Variants in ATP8A1 observed in about 807,000 individuals in gnomAD.
ATP8A1 encodes the protein ATPase phospholipid transporting 8A1, also known as phospholipid-transporting ATPase IA.
ATP8A1 carries 90 observed loss-of-function variants against 177.7 expected under a neutral mutation model. The ratio of observed to expected loss-of-function variants is 0.51; its 90% confidence interval spans 0.43 to 0.60. The LOEUF is 0.60. Ranked by LOEUF, ATP8A1 falls within the 20% of genes least tolerant of loss-of-function variation. The pLI, the probability that ATP8A1 is intolerant of heterozygous loss-of-function variation, is 0.00. For missense variants in ATP8A1, 1,072 were observed against 1,392.8 expected, an observed-to-expected ratio of 0.77 and a Z score of 3.67; for synonymous variants, 493 against 485.9, an observed-to-expected ratio of 1.01 and a Z score of -0.19.
chr4:42,554,023 G>A (rs1338080591), intron 16 of ATP8A1, among the ~76,000 whole-genome samples: 1 of 152,224 alleles, frequency 6.6e-6, no homozygotes, highest in Non-Finnish European at 1.5e-5. Flanking sequence ...GGAGCTCAAA[G>A]TGAGGGTGAC....
At chr4:42,560,679 T>C (rs1469756281) in intron 15 of ATP8A1, among the ~76,000 whole-genome samples, 1 of 151,908 alleles carries the variant, frequency 6.6e-6, no homozygotes, top group Non-Finnish European at 1.5e-5. Flanking sequence ...ACGAATTCTT[T>C]AACATTCCAA....
At chr4:42,605,656 C>G (rs537204936) in intron 5 of ATP8A1, among the ~76,000 whole-genome samples, 4 of 152,228 alleles carry the variant, frequency 2.6e-5, no homozygotes, top group Non-Finnish European at 4.4e-5. Flanking sequence ...GCTCATTTTC[C>G]CTCAACCTTG....
At chr4:42,562,066 G>T (rs1027328591) in intron 15 of ATP8A1, 7 of 152,276 alleles carry the variant, frequency 4.6e-5, no homozygotes, top group African/African-American at 1.7e-4. Context: ...TAGAGGCTCA[G>T]GTTTCTTTTT....
intron 23 of ATP8A1, among the ~76,000 whole-genome samples, chr4:42,504,136 A>G (rs1724128188): frequency 6.6e-6 from 1 of 152,128 alleles, no homozygotes; most frequent in Admixed American, 6.5e-5. Context: ...AAATAATTCC[A>G]CTATGTGAGT....
intron 30 of ATP8A1, among the ~76,000 whole-genome samples, chr4:42,450,181 TAA>T (rs1560337594): frequency 6.6e-6 from 1 of 152,124 alleles, no homozygotes; most frequent in African/African-American, 2.4e-5. Context: ...TATTCAGCCA[TAA>T]AAAGGAAGTA....
At chr4:42,634,910 G>A (rs1417346400) in intron 1 of ATP8A1, among the ~76,000 whole-genome samples, 1 of 152,104 alleles carries the variant, frequency 6.6e-6, no homozygotes, top group East Asian at 1.9e-4. Context: ...TGGTTAATGT[G>A]AGGATGACAT....
chr4:42,438,253 CT>C (rs1577931331), intron 33 of ATP8A1, among the ~76,000 whole-genome samples: 1 of 152,092 alleles, frequency 6.6e-6, no homozygotes. Context: ...CACTTTGTGT[CT>C]GTGAAATGTC....
rs1712800500 is a variant in ATP8A1 at position 42,413,019 on chromosome 4, G to C, written c.3398-6C>G. ...TTGAGAGAACGCATACCCATCTGTAGGTTAATGATAAAACAGAAATTCTCA... is the reference window on the plus strand; with the variant it reads ...TTGAGAGAACGCATACCCATCTGTACGTTAATGATAAAACAGAAATTCTCA... On this transcript the variant is annotated splice_polypyrimidine_tract_variant and splice_region_variant and intron_variant, in intron 36 of 36. Transcript: ENST00000381668. 1 of 1,610,868 alleles carries C rather than the reference G, an allele frequency of 6.2e-7. No individual in the cohort carries two copies. The highest frequency in any genetic ancestry group is 1.3e-5 in the African/African-American group (1 of 74,918).
At chr4:42,525,433 G>T (rs1003093418) in intron 20 of ATP8A1, among the ~76,000 whole-genome samples, 7 of 152,190 alleles carry the variant, frequency 4.6e-5, no homozygotes, top group African/African-American at 1.7e-4. Flanking sequence ...AATCCACTGA[G>T]AGGGCCAGTG....
chr4:42,484,583 CAA>C (rs1235225573), intron 25 of ATP8A1, among the ~76,000 whole-genome samples: 1 of 151,936 alleles, frequency 6.6e-6, no homozygotes, highest in Admixed American at 6.6e-5. Context: ...TAAACCCAGA[CAA>C]AAGAGGTATA....
At chr4:42,471,151 C>T (rs949033275) in intron 25 of ATP8A1, among the ~76,000 whole-genome samples, 3 of 152,108 alleles carry the variant, frequency 2.0e-5, no homozygotes, top group Non-Finnish European at 2.9e-5. Context: ...GGAATGAAAA[C>T]AGCAGCTTAC....
chr4:42,656,087 T>C (rs1244779027), intron 1 of ATP8A1, among the ~76,000 whole-genome samples: 1 of 152,172 alleles, frequency 6.6e-6, no homozygotes, highest in Non-Finnish European at 1.5e-5. Context: ...ATGAAGAGTC[T>C]GGGCCCTCGG....
intron 17 of ATP8A1, 47 bp from the exon 18 acceptor site, chr4:42,551,327 A>G: frequency 1.5e-6 from 2 of 1,356,440 alleles, no homozygotes; most frequent in Non-Finnish European, 2.1e-6. Context: ...TGAAAAAAAA[A>G]TATTCTCAGC....
rs1720155534 is a variant in ATP8A1 at position 42,469,438 on chromosome 4, T to G, written c.2325-4362A>C. The stretch of plus-strand genomic sequence containing the variant: ...GGAATGTGGCTGAAAGGGATTCAGG[T>G]TTGTCAAGCTGAAGTCAGTAAAAAA... On this transcript the variant is annotated intron_variant, in intron 25 of 36. Coordinates refer to ENST00000381668, the MANE Select transcript of ATP8A1 (RefSeq NM_006095.2). Among the ~76,000 whole-genome samples the G allele has an allele frequency of 6.6e-5, 10 of 152,170 alleles. No homozygotes were observed. In the South Asian group the frequency reaches 1.9e-3, roughly 28 times the overall value.
chr4:42,463,615 G>A (rs1382647437), intron 27 of ATP8A1, among the ~76,000 whole-genome samples: 1 of 152,170 alleles, frequency 6.6e-6, no homozygotes, highest in Non-Finnish European at 1.5e-5. Flanking sequence ...GACTAAGCCT[G>A]GTGTCTGGGC....
At chr4:42,501,410 G>A (rs7692004) in intron 24 of ATP8A1, among the ~76,000 whole-genome samples, 12,772 of 152,174 alleles carry the variant, frequency 0.084, 753 homozygotes, top group African/African-American at 0.17. Context: ...ATTTGCTGAC[G>A]GTCCCACAGT....
rs151214952 is a variant in ATP8A1 at position 42,522,230 on chromosome 4, T to C, written c.1877A>G (p.Tyr626Cys). 81 of 1,613,772 alleles carry C rather than the reference T, an allele frequency of 5.0e-5. No individual in the cohort carries two copies. In the African/African-American group the frequency reaches 9.5e-4, roughly 19 times the overall value. ...ESDFQEWRAV[Y>C]QRASTSVQNR... ...CTGCACAGATGTAGATGCTCGCTGA[T>C]AGACTGCTCGCCACTCCTGAAAGTC... Residue 626 changes from tyrosine to cysteine, a missense_variant, in exon 22 of 37, where the codon TAT becomes TGT. Around this residue, in one of 5 missense-constraint regions of ATP8A1, gnomAD observed 388 missense variants for 471.7 expected, o/e 0.82. Coordinates refer to ENST00000381668, the MANE Select transcript of ATP8A1 (RefSeq NM_006095.2).
intron 14 of ATP8A1, among the ~76,000 whole-genome samples, chr4:42,571,374 C>A (rs1172565350): frequency 6.6e-6 from 1 of 151,572 alleles, no homozygotes; most frequent in Non-Finnish European, 1.5e-5. Flanking sequence ...GCCTTGTCCA[C>A]ACAAAAAAGC....
At chr4:42,653,699 T>C (rs1175092830) in intron 1 of ATP8A1, among the ~76,000 whole-genome samples, 1 of 152,236 alleles carries the variant, frequency 6.6e-6, no homozygotes, top group Admixed American at 6.5e-5. Context: ...ATATTGGAGT[T>C]AGGCTTAAAT....
Sources: gnomAD v4.1 joint callset for allele counts (sites outside exome capture counted in the v4.1 genomes callset) on GRCh38, gnomAD v4.1.1 for gene constraint, gnomAD v4.1.1 regional missense constraint, MANE v1.5 for transcripts, NCBI Gene and HGNC (gene_info 2026-07-23, HGNC 2026-07-21) for gene names.